The following LHPP variants were observed in gnomAD, a reference collection of about 807,000 sequenced individuals.
LHPP encodes phospholysine phosphohistidine inorganic pyrophosphate phosphatase.
Under a neutral mutation model 30.3 loss-of-function variants are expected in LHPP, and 24 were observed. The ratio of observed to expected loss-of-function variants is 0.79; its 90% CI spans 0.57 to 1.11. The LOEUF is 1.11. LHPP is among the 50% of genes most tolerant of loss of function. The pLI, the probability that LHPP is intolerant of heterozygous loss-of-function variation, is 0.00. For missense variants in LHPP, 356 were observed against 367.2 expected (o/e 0.97, Z 0.25); for synonymous variants, 150 against 157.1 (o/e 0.95, Z 0.34).
intron 6 of LHPP, among the ~76,000 whole-genome samples, chr10:124,601,936 C>T (rs1949028353): frequency 6.6e-6 from 1 of 152,326 alleles, no homozygotes; most frequent in African/African-American, 2.4e-5. Context: ...TGCGTGCACT[C>T]GCAGCATGCA....
intron 2 of LHPP, among the ~76,000 whole-genome samples, chr10:124,485,317 C>T (rs1953289578): frequency 6.6e-6 from 1 of 151,870 alleles, no homozygotes; most frequent in South Asian, 2.1e-4. Context: ...GTTGCTGGAC[C>T]CGGGAGTGGA....
intron 5 of LHPP, among the ~76,000 whole-genome samples, chr10:124,506,602 C>T (rs527617820): frequency 1.3e-5 from 2 of 149,694 alleles, no homozygotes; most frequent in South Asian, 4.4e-4. Flanking sequence ...CATAGCCCAA[C>T]TCTCAGGGAG....
intron 6 of LHPP, among the ~76,000 whole-genome samples, chr10:124,546,601 G>A (rs1377938529): frequency 6.6e-6 from 1 of 152,036 alleles, no homozygotes; most frequent in Admixed American, 6.5e-5. Flanking sequence ...TAGTAGAGAT[G>A]GGGTTTCACC....
rs142288243 is a variant in LHPP, at chr10:124,579,498, G to C, written c.717-33766G>C. 2.9e-3 allele frequency among the ~76,000 whole-genome samples: 441 copies of C among 152,296 alleles called. 2 individuals carry two copies. The highest frequency in any genetic ancestry group is 0.01 in the African/African-American group (420 of 41,550). Reference sequence around the variant, plus strand: ...TGGCTGTCCCACAATTTATATTCCAGTCCCCTGATGATGGACATGTAGGCG... The same window carrying C: ...TGGCTGTCCCACAATTTATATTCCACTCCCCTGATGATGGACATGTAGGCG... On this transcript the variant is annotated intron_variant, in intron 6 of 6. Coordinates refer to ENST00000368842, the MANE Select transcript of LHPP (RefSeq NM_022126.4).
At chr10:124,611,566 G>A (rs555576750) in intron 6 of LHPP, among the ~76,000 whole-genome samples, 1 of 151,900 alleles carries the variant, frequency 6.6e-6, no homozygotes, top group East Asian at 2.0e-4. Flanking sequence ...AGAGCCAAAA[G>A]GTATACCCTC....
chr10:124,546,457 C>T (rs1354108563), intron 6 of LHPP, among the ~76,000 whole-genome samples: 1 of 152,222 alleles, frequency 6.6e-6, no homozygotes, highest in Non-Finnish European at 1.5e-5. Context: ...GGCTGGAGTG[C>T]AGTGGCGCGA....
At chr10:124,540,918 G>GAA (rs1297854725) in intron 6 of LHPP, among the ~76,000 whole-genome samples, 1 of 152,186 alleles carries the variant, frequency 6.6e-6, no homozygotes, top group Non-Finnish European at 1.5e-5. Flanking sequence ...AGGGGCTCAA[G>GAA]AAAATGTTTA....
At chr10:124,473,532 C>A (rs1025644277) in intron 1 of LHPP, among the ~76,000 whole-genome samples, 6 of 152,104 alleles carry the variant, frequency 3.9e-5, no homozygotes, top group African/African-American at 1.4e-4. Flanking sequence ...CCCATAGTTG[C>A]CATGTGGCCT....
chr10:124,574,350 C>T (rs763293812), intron 6 of LHPP, among the ~76,000 whole-genome samples: 10 of 152,174 alleles, frequency 6.6e-5, no homozygotes, highest in South Asian at 2.1e-4. Context: ...CGCACGGATT[C>T]GCTCGCCACC....
At chr10:124,599,119 C>T (rs1948990217) in intron 6 of LHPP, among the ~76,000 whole-genome samples, 1 of 152,074 alleles carries the variant, frequency 6.6e-6, no homozygotes. Flanking sequence ...CCATTCCCAT[C>T]CATCCATCCA....
At chr10:124,585,093 G>T (rs1201308196) in intron 6 of LHPP, among the ~76,000 whole-genome samples, 30 of 152,214 alleles carry the variant, frequency 2.0e-4, no homozygotes, top group Admixed American at 1.9e-3. Context: ...AATATATATA[G>T]AGAGAAATTT....
At chr10:124,505,049 C>T (rs921079749) in intron 5 of LHPP, among the ~76,000 whole-genome samples, 1 of 152,124 alleles carries the variant, frequency 6.6e-6, no homozygotes, top group Non-Finnish European at 1.5e-5. Context: ...TGTGGCAAAG[C>T]TGTGTCTTAT....
chr10:124,518,082 C>A (rs1954505664), intron 6 of LHPP, among the ~76,000 whole-genome samples: 1 of 152,198 alleles, frequency 6.6e-6, no homozygotes, highest in Non-Finnish European at 1.5e-5. Flanking sequence ...GAAGACAGAT[C>A]AGAGGGCCCG....
At chr10:124,463,066 A>G (rs1952450986) in intron 1 of LHPP, among the ~76,000 whole-genome samples, 1 of 152,134 alleles carries the variant, frequency 6.6e-6, no homozygotes, top group Non-Finnish European at 1.5e-5. Flanking sequence ...ACGGGGTTTC[A>G]CCATGTTGGG....
chr10:124,482,404 T>C (rs1247676697), intron 1 of LHPP, among the ~76,000 whole-genome samples: 1 of 152,248 alleles, frequency 6.6e-6, no homozygotes, highest in Non-Finnish European at 1.5e-5. Context: ...CTGAGAACAG[T>C]GCCAGATGCA....
intron 6 of LHPP, among the ~76,000 whole-genome samples, chr10:124,569,140 G>A (rs565378907): frequency 1.3e-5 from 2 of 152,304 alleles, no homozygotes; most frequent in African/African-American, 4.8e-5. Context: ...TCATTCCTGC[G>A]GGTAAGGCCC....
chr10:124,483,114 G>T (rs959068569), intron 1 of LHPP, among the ~76,000 whole-genome samples: 3 of 152,030 alleles, frequency 2.0e-5, no homozygotes, highest in African/African-American at 7.2e-5. Flanking sequence ...AAGAAGCTCG[G>T]TGCCGCCGGC....
intron 6 of LHPP, among the ~76,000 whole-genome samples, chr10:124,571,113 G>A (rs7092752): frequency 0.28 from 42,728 of 152,118 alleles, 6,079 homozygotes; most frequent in South Asian, 0.36. Context: ...ACCTTCTGCC[G>A]TGACGGTGAG....
At chr10:124,552,797 G>A (rs1948196893) in intron 6 of LHPP, among the ~76,000 whole-genome samples, 1 of 152,200 alleles carries the variant, frequency 6.6e-6, no homozygotes, top group African/African-American at 2.4e-5. Context: ...AGCCTATCCT[G>A]GACAATCAGG....
Sources: gnomAD v4.1 joint callset for allele counts (sites outside exome capture counted in the v4.1 genomes callset) on GRCh38, gnomAD v4.1.1 for gene constraint, MANE v1.5 for transcripts, NCBI Gene and HGNC (gene_info 2026-07-23, HGNC 2026-07-21) for gene names.